The following SLC24A3 variants were observed in gnomAD, a reference collection of about 807,000 sequenced individuals.
SLC24A3 encodes solute carrier family 24 member 3, also known as sodium/potassium/calcium exchanger 3.
In SLC24A3, 28 loss-of-function variants were observed where a neutral mutation model predicts 75.8. That is an observed-to-expected ratio of 0.37 (90% CI 0.27 to 0.51). The LOEUF is 0.51. Among genes scored for constraint, SLC24A3 ranks in the 20% least tolerant of loss-of-function variants. The pLI, the probability that SLC24A3 is intolerant of heterozygous loss-of-function variation, is 0.94. For synonymous variants in SLC24A3, 372 were observed against 334.1 expected, an observed-to-expected ratio of 1.11 and a Z score of -1.24; for missense variants, 663 against 847.8, an observed-to-expected ratio of 0.78 and a Z score of 2.71.
chr20:19,392,611 T>C (rs2223851), intron 2 of SLC24A3, among the ~76,000 whole-genome samples: 86,383 of 151,996 alleles, frequency 0.57, 25,400 homozygotes, highest in African/African-American at 0.72. Context: ...CTGGCTCCCA[T>C]GGTAATGATA....
intron 2 of SLC24A3, among the ~76,000 whole-genome samples, chr20:19,450,368 A>G (rs981967602): frequency 6.6e-6 from 1 of 152,038 alleles, no homozygotes; most frequent in Non-Finnish European, 1.5e-5. Context: ...TGAGATTCTC[A>G]TTCTCGTTTC....
intron 2 of SLC24A3, among the ~76,000 whole-genome samples, chr20:19,281,760 T>C (rs1357149954): frequency 1.3e-5 from 2 of 152,172 alleles, no homozygotes; most frequent in Non-Finnish European, 2.9e-5. Context: ...GTCAGTAAAC[T>C]TGTTCTGGAA....
intron 2 of SLC24A3, among the ~76,000 whole-genome samples, chr20:19,360,507 A>C (rs1600447504): frequency 6.6e-6 from 1 of 152,354 alleles, no homozygotes. Flanking sequence ...GCCACCTGTG[A>C]ATAATATGCC....
intron 1 of SLC24A3, among the ~76,000 whole-genome samples, chr20:19,214,898 G>A (rs1351277628): frequency 6.6e-6 from 1 of 151,650 alleles, no homozygotes; most frequent in Non-Finnish European, 1.5e-5. Context: ...CATCTCTGTT[G>A]GTCTTAGGAC....
In SLC24A3 at chr20:19,624,558, A is replaced by C. The variant is rs114554735; in HGVS notation, c.613-29504A>C. On this transcript the variant is annotated intron_variant, in intron 6 of 16. Transcript: ENST00000328041. Reference sequence around the variant, plus strand: ...ATGGTGATGGCAAAAATACAAAAGGAAAAGTGAACTATGCCAGGCCTCCTA... The same window carrying C: ...ATGGTGATGGCAAAAATACAAAAGGCAAAGTGAACTATGCCAGGCCTCCTA... Among the ~76,000 whole-genome samples, 266 of 152,292 alleles carry C rather than the reference A, an allele frequency of 1.7e-3. 1 individual carries two copies. Among genetic ancestry groups the C allele is most frequent in the African/African-American group, 6.2e-3 (257 of 41,558 alleles).
intron 4 of SLC24A3, among the ~76,000 whole-genome samples, chr20:19,584,123 T>C (rs2031260519): frequency 6.6e-6 from 1 of 152,244 alleles, no homozygotes; most frequent in Non-Finnish European, 1.5e-5. Context: ...CATGACTGAA[T>C]GCAGAAATGC....
At chr20:19,222,938 T>C (rs994368237) in intron 1 of SLC24A3, among the ~76,000 whole-genome samples, 8 of 151,792 alleles carry the variant, frequency 5.3e-5, no homozygotes, top group Non-Finnish European at 1.2e-4. Context: ...ATCTTCCCCA[T>C]ACCCCTTTTT....
At chr20:19,668,334 C>T (rs111804041) in intron 8 of SLC24A3, among the ~76,000 whole-genome samples, 8,413 of 152,254 alleles carry the variant, frequency 0.055, 293 homozygotes, top group Middle Eastern at 0.12. Flanking sequence ...CTTACCAAGC[C>T]AATCATGACC....
At chr20:19,268,735 A>G (rs1983240044) in intron 1 of SLC24A3, among the ~76,000 whole-genome samples, 1 of 152,228 alleles carries the variant, frequency 6.6e-6, no homozygotes, top group African/African-American at 2.4e-5. Context: ...GGATGCTTCT[A>G]TGCCATCACT....
chr20:19,675,850 T>C (rs1359243323), intron 9 of SLC24A3, among the ~76,000 whole-genome samples: 1 of 152,150 alleles, frequency 6.6e-6, no homozygotes, highest in Admixed American at 6.5e-5. Context: ...AGAGCAAAAC[T>C]ATATAGCAAA....
At chr20:19,451,102 G>A (rs1168377805) in intron 2 of SLC24A3, among the ~76,000 whole-genome samples, 1 of 152,238 alleles carries the variant, frequency 6.6e-6, no homozygotes, top group African/African-American at 2.4e-5. Flanking sequence ...TTCAGTTTGT[G>A]AAGATTTATG....
chr20:19,288,987 G>A (rs1309970962), intron 2 of SLC24A3, among the ~76,000 whole-genome samples: 2 of 152,268 alleles, frequency 1.3e-5, no homozygotes, highest in East Asian at 3.9e-4. Context: ...TTACAGAAAT[G>A]TTTGCTGCTG....
chr20:19,382,549 C>T (rs1986200513), intron 2 of SLC24A3, among the ~76,000 whole-genome samples: 1 of 152,132 alleles, frequency 6.6e-6, no homozygotes. Context: ...TTTACTTGTC[C>T]TTCCTGATTT....
intron 2 of SLC24A3, among the ~76,000 whole-genome samples, chr20:19,497,246 C>T (rs551099999): frequency 2.6e-5 from 4 of 152,292 alleles, no homozygotes; most frequent in East Asian, 1.9e-4. Context: ...TAGACATTTC[C>T]GGCACTCAAA....
intron 1 of SLC24A3, among the ~76,000 whole-genome samples, chr20:19,239,119 T>TA (rs372324339): frequency 0.21 from 28,301 of 134,058 alleles, 3,214 homozygotes; most frequent in South Asian, 0.33. Context: ...AAAGCTTATT[T>TA]TAAAAAAAAA....
chr20:19,522,773 C>A (rs1406505505), intron 3 of SLC24A3, among the ~76,000 whole-genome samples: 1 of 120,962 alleles, frequency 8.3e-6, no homozygotes, highest in Non-Finnish European at 1.7e-5. Flanking sequence ...CCAGGAGAGG[C>A]TGCTCCTGCA....
At chr20:19,473,729 G>C (rs1025596425) in intron 2 of SLC24A3, among the ~76,000 whole-genome samples, 53 of 152,244 alleles carry the variant, frequency 3.5e-4, no homozygotes, top group Non-Finnish European at 1.9e-4. Context: ...GCTGTCCACA[G>C]AGGGTCTGGC....
intron 1 of SLC24A3, among the ~76,000 whole-genome samples, chr20:19,217,284 A>G (rs918789793): frequency 1.3e-5 from 2 of 152,218 alleles, no homozygotes; most frequent in Admixed American, 6.5e-5. Flanking sequence ...GTAGGGTCAC[A>G]TTATAAGAGC....
chr20:19,277,678 A>T (rs1274133569), intron 1 of SLC24A3, among the ~76,000 whole-genome samples: 1 of 152,238 alleles, frequency 6.6e-6, no homozygotes, highest in African/African-American at 2.4e-5. Context: ...TGGAATCCAG[A>T]GGTGCTGCCT....
Sources: gnomAD v4.1 joint callset for allele counts (sites outside exome capture counted in the v4.1 genomes callset) on GRCh38, gnomAD v4.1.1 for gene constraint, MANE v1.5 for transcripts, NCBI Gene and HGNC (gene_info 2026-07-23, HGNC 2026-07-21) for gene names.